Variants in PXYLP1 observed in about 807,000 individuals in gnomAD.
PXYLP1 encodes acid phosphatase-like 2.
PXYLP1 carries 17 observed loss-of-function variants against 37.9 expected under a neutral mutation model. The ratio of observed to expected loss-of-function variants is 0.45; its 90% confidence interval spans 0.31 to 0.67. PXYLP1 has a LOEUF of 0.67. PXYLP1 is among the 30% of genes least tolerant of loss of function. The probability of loss-of-function intolerance (pLI) is 0.07; values close to 1 mark genes in which losing one functional copy is unlikely to be tolerated. For missense variants in PXYLP1, 511 were observed against 612.0 expected, an observed-to-expected ratio of 0.84 and a Z score of 1.74; for synonymous variants, 221 against 232.2, an observed-to-expected ratio of 0.95 and a Z score of 0.44.
chr3:141,265,203 G>A (rs1314069620), intron 2 of PXYLP1, among the ~76,000 whole-genome samples: 2 of 152,126 alleles, frequency 1.3e-5, no homozygotes, highest in East Asian at 1.9e-4. Flanking sequence ...CTATTCCTGA[G>A]GCTGTGAGGA....
chr3:141,288,064 C>A (rs1007159951), intron 5 of PXYLP1, among the ~76,000 whole-genome samples: 1 of 152,228 alleles, frequency 6.6e-6, no homozygotes, highest in Non-Finnish European at 1.5e-5. Context: ...GCTGAGTTCT[C>A]ACAGAAGCAC....
chr3:141,255,206 CTGTTTTT>C (rs1268665881), intron 1 of PXYLP1, among the ~76,000 whole-genome samples: 13 of 152,140 alleles, frequency 8.5e-5, no homozygotes, highest in Non-Finnish European at 4.4e-5. Context: ...GCTGGGTTTT[CTGTTTTT>C]TGTTTTGTTT....
At chr3:141,278,693 G>A (rs1276159193) in intron 3 of PXYLP1, among the ~76,000 whole-genome samples, 193 bp downstream of exon 3, 1 of 152,208 alleles carries the variant, frequency 6.6e-6, no homozygotes, top group East Asian at 1.9e-4. Context: ...ACTTATGCCT[G>A]GGACTGGGGA....
At chr3:141,241,877 G>A (rs969634744) in intron 1 of PXYLP1, among the ~76,000 whole-genome samples, 7 of 152,092 alleles carry the variant, frequency 4.6e-5, no homozygotes, top group African/African-American at 1.7e-4. Context: ...TAGGAGAGGG[G>A]CCCCATCACT....
chr3:141,254,006 G>C (rs997889591), intron 1 of PXYLP1, among the ~76,000 whole-genome samples: 1 of 151,948 alleles, frequency 6.6e-6, no homozygotes, highest in African/African-American at 2.4e-5. Flanking sequence ...CCACCTCCGG[G>C]GCTCAAGCGA....
At chr3:141,282,053 A>G (rs1248968843) in intron 4 of PXYLP1, among the ~76,000 whole-genome samples, 1 of 152,130 alleles carries the variant, frequency 6.6e-6, no homozygotes, top group African/African-American at 2.4e-5. Flanking sequence ...TGTTATTATT[A>G]GGGTAGTGAT....
chr3:141,240,834 A>G (rs942485447), intron 1 of PXYLP1, among the ~76,000 whole-genome samples: 5 of 152,214 alleles, frequency 3.3e-5, no homozygotes, highest in Non-Finnish European at 7.3e-5. Context: ...ACCTTTGGGA[A>G]CTGGGCCAGA....
chr3:141,248,561 GTATA>G (rs536273966), intron 1 of PXYLP1, among the ~76,000 whole-genome samples: 5 of 134,056 alleles, frequency 3.7e-5, no homozygotes, highest in East Asian at 2.2e-4. Flanking sequence ...ATACACACGT[GTATA>G]TATATACACA....
chr3:141,232,044 G>C (rs1940526748), intron 1 of PXYLP1, 133 bp downstream of exon 1: 1 of 152,472 alleles, frequency 6.6e-6, no homozygotes, highest in Non-Finnish European at 1.5e-5. Context: ...AGTGGGAGAG[G>C]GGCGGGAAGG....
chr3:141,278,318 A>G, intron 2 of PXYLP1, 24 bp from the exon 3 acceptor site: 1 of 1,613,794 alleles, frequency 6.2e-7, no homozygotes, highest in Non-Finnish European at 8.5e-7. Context: ...ACTGTGCGTC[A>G]CAACCTGCCT....
intron 2 of PXYLP1, among the ~76,000 whole-genome samples, chr3:141,268,202 A>AGAGAGT (rs1454746060): frequency 1.1e-4 from 4 of 37,346 alleles, no homozygotes; most frequent in African/African-American, 2.2e-4. Flanking sequence ...AGAGAGAGAG[A>AGAGAGT]GAGAGTGTGT....
At chr3:141,290,107 G>T (rs1942165995) in intron 5 of PXYLP1, among the ~76,000 whole-genome samples, 1 of 152,098 alleles carries the variant, frequency 6.6e-6, no homozygotes, top group South Asian at 2.1e-4. Context: ...TGCACTTACG[G>T]CACCCTACAG....
chr3:141,233,481 A>T (rs1490792258), intron 1 of PXYLP1, among the ~76,000 whole-genome samples: 1 of 151,822 alleles, frequency 6.6e-6, no homozygotes, highest in African/African-American at 2.4e-5. Flanking sequence ...AAAAAAAAAA[A>T]AAAACCCTCG....
intron 1 of PXYLP1, 165 bp downstream of exon 1, chr3:141,232,076 G>C (rs1172376402): frequency 6.6e-6 from 1 of 152,212 alleles, no homozygotes; most frequent in African/African-American, 2.4e-5. Flanking sequence ...TCGAAGCGTC[G>C]GGTCCGAATC....
chr3:141,253,781 A>C (rs1941197874), intron 1 of PXYLP1, among the ~76,000 whole-genome samples: 2 of 151,082 alleles, frequency 1.3e-5, no homozygotes, highest in Non-Finnish European at 2.9e-5. Context: ...ACCCTGCTTC[A>C]ACTATTGTCA....
chr3:141,251,338 C>T (rs1040032800), intron 1 of PXYLP1, among the ~76,000 whole-genome samples: 3 of 152,182 alleles, frequency 2.0e-5, no homozygotes, highest in Non-Finnish European at 4.4e-5. Flanking sequence ...GCCAGTGTTT[C>T]AGAGCCTGGA....
chr3:141,287,373 C>G lies in PXYLP1; in HGVS notation c.425C>G (p.Ala142Gly), dbSNP rs1309677347. 1 of 1,614,138 alleles carries G rather than the reference C, an allele frequency of 6.2e-7. No individual in the cohort carries two copies. Among genetic ancestry groups the G allele is most frequent in the South Asian group, 1.1e-5 (1 of 91,074 alleles). Residue 142 changes from alanine to glycine, a missense_variant, in exon 5 of 6, where the codon GCC becomes GGC. Ala to Gly is a moderately conservative substitution (Grantham distance 60, BLOSUM62 0). Transcript: ENST00000286353. ...FISHMSKGSG[A>G]SFESPLNSLP... Reference sequence around the variant, plus strand: ...AGTCACATGTCAAAAGGATCCGGAGCCTCTTTCGAAAGCCCCTTGAACTCC... The same window carrying G: ...AGTCACATGTCAAAAGGATCCGGAGGCTCTTTCGAAAGCCCCTTGAACTCC...
At chr3:141,249,205 T>A (rs1941085080) in intron 1 of PXYLP1, among the ~76,000 whole-genome samples, 1 of 152,156 alleles carries the variant, frequency 6.6e-6, no homozygotes, top group African/African-American at 2.4e-5. Context: ...CCACTCCTCT[T>A]CATGAATGAG....
At chr3:141,265,275 G>C (rs1337458768) in intron 2 of PXYLP1, among the ~76,000 whole-genome samples, 1 of 151,624 alleles carries the variant, frequency 6.6e-6, no homozygotes, top group Non-Finnish European at 1.5e-5. Flanking sequence ...GTCCAGCACA[G>C]TGTTTTCCAA....
Sources: gnomAD v4.1 joint callset for allele counts (sites outside exome capture counted in the v4.1 genomes callset) on GRCh38, gnomAD v4.1.1 for gene constraint, MANE v1.5 for transcripts, NCBI Gene and HGNC (gene_info 2026-07-23, HGNC 2026-07-21) for gene names.